The following PSMA1 variants were observed in gnomAD, a reference collection of about 807,000 sequenced individuals.
The protein encoded by PSMA1 is proteasome 20S subunit alpha 1.
PSMA1 carries 3 observed loss-of-function variants against 38.4 expected under a neutral mutation model. The observed-to-expected ratio is 0.08, with a 90% CI of 0.04 to 0.20. PSMA1 has a LOEUF of 0.20. Among genes scored for constraint, PSMA1 ranks in the 10% least tolerant of loss-of-function variants. The probability of loss-of-function intolerance (pLI) is 1.00; values close to 1 mark genes in which losing one functional copy is unlikely to be tolerated. For synonymous variants in PSMA1, 101 were observed against 107.1 expected, an observed-to-expected ratio of 0.94 and a Z score of 0.35; for missense variants, 227 against 325.3, an observed-to-expected ratio of 0.70 and a Z score of 2.32.
intron 2 of PSMA1, among the ~76,000 whole-genome samples, chr11:14,575,243 A>C (rs1852197429): frequency 6.6e-6 from 1 of 152,116 alleles, no homozygotes; most frequent in Non-Finnish European, 1.5e-5. Flanking sequence ...TCTTTTTTTA[A>C]ATTTTAAAAA....
At chr11:14,588,139 C>T (rs1235734740) in intron 2 of PSMA1, among the ~76,000 whole-genome samples, 1 of 152,188 alleles carries the variant, frequency 6.6e-6, no homozygotes, top group Non-Finnish European at 1.5e-5. Context: ...GTGACACCAA[C>T]AGGTACATGG....
At chr11:14,520,524 C>A, upstream of PSMA1, 1 of 1,403,562 alleles carries the variant, frequency 7.1e-7, no homozygotes, top group Admixed American at 2.8e-5. Flanking sequence ...GATCTAGGAA[C>A]TGAGACTGGC....
At chr11:14,599,164 C>G (rs572802550) in intron 2 of PSMA1, among the ~76,000 whole-genome samples, 1 of 152,294 alleles carries the variant, frequency 6.6e-6, no homozygotes, top group Non-Finnish European at 1.5e-5. Flanking sequence ...TCTGGCTGCA[C>G]TTAACATTTT....
At chr11:14,611,708 T>C (rs1852710935) in intron 1 of PSMA1, among the ~76,000 whole-genome samples, 1 of 152,172 alleles carries the variant, frequency 6.6e-6, no homozygotes, top group African/African-American at 2.4e-5. Flanking sequence ...TCCTAATCTT[T>C]GGTAATGACA....
intron 1 of PSMA1, among the ~76,000 whole-genome samples, chr11:14,611,948 T>C (rs1335813967): frequency 6.6e-6 from 1 of 152,212 alleles, no homozygotes; most frequent in Non-Finnish European, 1.5e-5. Context: ...TGTGCTGAGT[T>C]TGGAGTTGGA....
intron 2 of PSMA1, among the ~76,000 whole-genome samples, chr11:14,592,022 G>A (rs899075366): frequency 2.0e-5 from 3 of 151,410 alleles, no homozygotes; most frequent in Non-Finnish European, 2.9e-5. Context: ...TGAGCCCACC[G>A]GGAGGAAGGA....
At chr11:14,544,725 CA>C (rs1851808040) in intron 2 of PSMA1, among the ~76,000 whole-genome samples, 1 of 152,134 alleles carries the variant, frequency 6.6e-6, no homozygotes, top group South Asian at 2.1e-4. Flanking sequence ...AAACCACTGC[CA>C]GTAGTAACAT....
chr11:14,607,941 T>C (rs1212315357), intron 2 of PSMA1, among the ~76,000 whole-genome samples: 1 of 152,132 alleles, frequency 6.6e-6, no homozygotes, highest in African/African-American at 2.4e-5. Context: ...CATCAGTCCA[T>C]TATGATCCTC....
rs145382584 is a variant in PSMA1, at chr11:14,507,742, T to C, written c.649A>G (p.Lys217Glu). The C allele has an allele frequency of 5.0e-6, 8 of 1,610,128 alleles. No individual in the cohort carries two copies. Among genetic ancestry groups the C allele is most frequent in the Middle Eastern group, 1.7e-4 (1 of 6,052 alleles). ...TCATAGATTGTAAACTCCAAGTCTT[T>C]ACCAACAATTCCAATGGAAACATTC... ...TKNVSIGIVG[K>E]DLEFTIYDDD... Residue 217 changes from lysine (K) to glutamate (E), a missense_variant, in exon 9 of 10, where the codon AAA (lysine) becomes GAA (glutamate). Transcript: ENST00000396394.
chr11:14,634,156 G>A (rs1383749892), intron 1 of PSMA1, among the ~76,000 whole-genome samples: 3 of 152,096 alleles, frequency 2.0e-5, no homozygotes, highest in Admixed American at 1.3e-4. Flanking sequence ...GGCCATCTTG[G>A]CTCCTCTGAT....
At chr11:14,575,594 C>CT (rs759943230) in intron 2 of PSMA1, among the ~76,000 whole-genome samples, 1 of 152,058 alleles carries the variant, frequency 6.6e-6, no homozygotes, top group Non-Finnish European at 1.5e-5. Flanking sequence ...TGAACTCATC[C>CT]TTTTTTATGG....
intron 1 of PSMA1, among the ~76,000 whole-genome samples, chr11:14,619,480 C>G (rs1178442499): frequency 6.6e-6 from 1 of 151,912 alleles, no homozygotes; most frequent in African/African-American, 2.4e-5. Context: ...ACATAAAGAG[C>G]TAAAAGAATA....
At position 14,511,046 on chromosome 11, in the gene PSMA1, G is replaced by A. The variant is rs926526791; in HGVS notation, c.545-95C>T. ...CTACAGTCTCAAATTGTGGTTTTTAGTTACACACTAAATTTATCACAGTAA... is the reference window on the plus strand; with the variant it reads ...CTACAGTCTCAAATTGTGGTTTTTAATTACACACTAAATTTATCACAGTAA... On this transcript the variant is annotated intron_variant, in intron 7 of 9. Coordinates refer to ENST00000396394, the MANE Select transcript of PSMA1 (RefSeq NM_002786.4). 8.2e-5 allele frequency: 61 copies of A among 743,030 alleles called. No homozygotes were observed. The Middle Eastern group carries it at 1.2e-3, about 15-fold the overall frequency. 46.0% of individuals were successfully genotyped at this position (743,030 alleles called of 1,614,324 possible).
intron 2 of PSMA1, among the ~76,000 whole-genome samples, chr11:14,585,646 G>T (rs1247717496): frequency 2.6e-5 from 4 of 152,136 alleles, no homozygotes; most frequent in Non-Finnish European, 5.9e-5. Flanking sequence ...CTAGCCTGGA[G>T]GCCTCATCTC....
chr11:14,547,754 T>C (rs1336696787), intron 2 of PSMA1, among the ~76,000 whole-genome samples: 1 of 152,118 alleles, frequency 6.6e-6, no homozygotes, highest in Non-Finnish European at 1.5e-5. Flanking sequence ...CCATACTCCT[T>C]AACTGGAGCT....
At chr11:14,512,716 T>C (rs1851364860) in intron 7 of PSMA1, among the ~76,000 whole-genome samples, 1 of 152,168 alleles carries the variant, frequency 6.6e-6, no homozygotes, top group African/African-American at 2.4e-5. Flanking sequence ...TCCTTAATGA[T>C]CCACCTATGT....
At chr11:14,591,541 G>A (rs1852414814) in intron 2 of PSMA1, among the ~76,000 whole-genome samples, 1 of 152,184 alleles carries the variant, frequency 6.6e-6, no homozygotes, top group African/African-American at 2.4e-5. Context: ...GTCTGGCGGG[G>A]CCTTGGAGAG....
chr11:14,557,661 G>A (rs558608554), intron 2 of PSMA1, among the ~76,000 whole-genome samples: 12 of 152,214 alleles, frequency 7.9e-5, no homozygotes, highest in Admixed American at 5.2e-4. Flanking sequence ...TCATCATTCA[G>A]TCTGTAGACT....
chr11:14,594,476 A>G (rs1352390148), intron 2 of PSMA1, among the ~76,000 whole-genome samples: 1 of 152,188 alleles, frequency 6.6e-6, no homozygotes, highest in Non-Finnish European at 1.5e-5. Context: ...GTAGGTTCCC[A>G]TGCAAAAAAA....
Sources: allele counts gnomAD v4.1 joint callset (sites outside exome capture counted in the v4.1 genomes callset), GRCh38; gene constraint gnomAD v4.1.1; transcripts MANE v1.5; gene names NCBI Gene and HGNC (gene_info 2026-07-23, HGNC 2026-07-21).